TAFA2: variants seen among roughly 807,000 people sequenced by gnomAD.
The protein encoded by TAFA2 is TAFA chemokine like family member 2, also known as chemokine-like protein TAFA-2.
TAFA2 carries 7 observed loss-of-function variants against 18.8 expected under a neutral mutation model. The observed-to-expected ratio is 0.37, with a 90% CI of 0.21 to 0.70. The LOEUF (loss-of-function observed/expected upper bound fraction) is 0.70, where lower values mean the gene tolerates loss of function less well. Among genes scored for constraint, TAFA2 ranks in the 30% least tolerant of loss-of-function variants. The pLI is 0.53. For synonymous variants in TAFA2, 60 were observed against 54.2 expected, an observed-to-expected ratio of 1.11 and a Z score of -0.47; for missense variants, 122 against 158.1, an observed-to-expected ratio of 0.77 and a Z score of 1.23.
At chr12:62,123,518 G>GA (rs571733335) in intron 1 of TAFA2, among the ~76,000 whole-genome samples, 30 of 150,098 alleles carry the variant, frequency 2.0e-4, no homozygotes, top group African/African-American at 4.4e-4. Flanking sequence ...GGAAAAGTAA[G>GA]AAAAAAAAAG....
At chr12:62,032,649 C>T (rs1426056034) in intron 1 of TAFA2, among the ~76,000 whole-genome samples, 1 of 151,838 alleles carries the variant, frequency 6.6e-6, no homozygotes, top group Admixed American at 6.6e-5. Flanking sequence ...AAACAACCCT[C>T]ATATAAGACT....
chr12:62,219,928 A>G (rs189382836), intron 1 of TAFA2, among the ~76,000 whole-genome samples: 2 of 152,358 alleles, frequency 1.3e-5, no homozygotes, highest in East Asian at 3.9e-4. Context: ...TCAGCAGATC[A>G]AAGAGAATAT....
chr12:61,885,051 T>C (rs1445935051), intron 1 of TAFA2, among the ~76,000 whole-genome samples: 1 of 151,674 alleles, frequency 6.6e-6, no homozygotes, highest in Non-Finnish European at 1.5e-5. Context: ...TACAAACCTC[T>C]TTCAAATGGA....
chr12:62,209,014 G>A (rs1164669561), intron 1 of TAFA2, among the ~76,000 whole-genome samples: 1 of 152,024 alleles, frequency 6.6e-6, no homozygotes, highest in African/African-American at 2.4e-5. Context: ...TAACAAGATC[G>A]CTTTTGGCCT....
intron 1 of TAFA2, among the ~76,000 whole-genome samples, chr12:62,130,404 A>G (rs1264799785): frequency 6.6e-6 from 1 of 151,984 alleles, no homozygotes; most frequent in Non-Finnish European, 1.5e-5. Flanking sequence ...TGAAATACAC[A>G]ATTCAAGGGG....
intron 2 of TAFA2, among the ~76,000 whole-genome samples, chr12:61,828,171 T>A (rs972525827): frequency 6.6e-6 from 1 of 151,946 alleles, no homozygotes; most frequent in African/African-American, 2.4e-5. Context: ...ATTTGATCAA[T>A]CCTTTTTAGT....
At chr12:61,868,844 C>T (rs1485055780) in intron 1 of TAFA2, among the ~76,000 whole-genome samples, 1 of 152,010 alleles carries the variant, frequency 6.6e-6, no homozygotes, top group Non-Finnish European at 1.5e-5. Flanking sequence ...GGGTTTGAGT[C>T]CAAACTTTAA....
rs942637778 is a variant in TAFA2, at chr12:61,784,503, A to G, written c.107-29479T>C. Among the ~76,000 whole-genome samples the G allele has an allele frequency of 3.3e-5, 5 of 151,448 alleles. No homozygotes were observed. In the Admixed American group the frequency reaches 3.3e-4, roughly 10 times the overall value. ...GGTTTCTTCGTTCTCTTTTAATGGT[A>G]CTGATCCACAGTTTGAGAAAGAAAG... On this transcript the variant is annotated intron_variant, in intron 2 of 4. Coordinates refer to ENST00000416284, the MANE Select transcript of TAFA2 (RefSeq NM_178539.5).
At chr12:62,180,801 C>CA (rs1016614401) in intron 1 of TAFA2, among the ~76,000 whole-genome samples, 17 of 133,480 alleles carry the variant, frequency 1.3e-4, no homozygotes, top group African/African-American at 3.8e-4. Context: ...CTGAAGTTAA[C>CA]AAAAAAAAAG....
chr12:61,738,290 AACACAC>A (rs369001355), intron 4 of TAFA2, among the ~76,000 whole-genome samples: 58 of 124,618 alleles, frequency 4.7e-4, no homozygotes, highest in East Asian at 2.4e-3. Context: ...TGAAAATGAA[AACACAC>A]ACACACACAC....
At chr12:62,240,036 AT>A (rs1393380499) in intron 1 of TAFA2, among the ~76,000 whole-genome samples, 1 of 151,528 alleles carries the variant, frequency 6.6e-6, no homozygotes, top group Admixed American at 6.6e-5. Context: ...CTAGTTATAT[AT>A]ATTATATAAC....
chr12:61,931,998 A>G (rs750196876), intron 1 of TAFA2, among the ~76,000 whole-genome samples: 8 of 152,136 alleles, frequency 5.3e-5, no homozygotes, highest in African/African-American at 9.7e-5. Flanking sequence ...TTTGCCTCAT[A>G]CCTTTTTCAC....
chr12:61,820,326 C>G (rs903613020), intron 2 of TAFA2, among the ~76,000 whole-genome samples: 1 of 152,000 alleles, frequency 6.6e-6, no homozygotes, highest in African/African-American at 2.4e-5. Flanking sequence ...AAATCTGTCT[C>G]AACATATCCA....
At chr12:61,882,328 G>A (rs927944755) in intron 1 of TAFA2, among the ~76,000 whole-genome samples, 3 of 152,142 alleles carry the variant, frequency 2.0e-5, no homozygotes, top group East Asian at 1.9e-4. Flanking sequence ...GCACTTTGGC[G>A]TCGGGAGAAA....
chr12:61,774,755 C>T (rs1490334469), intron 2 of TAFA2, among the ~76,000 whole-genome samples: 2 of 151,498 alleles, frequency 1.3e-5, no homozygotes, highest in Non-Finnish European at 3.0e-5. Context: ...GAAATCACCA[C>T]TAAAGATCTT....
intron 1 of TAFA2, among the ~76,000 whole-genome samples, chr12:62,175,931 A>AG (rs1367352382): frequency 2.0e-5 from 3 of 151,886 alleles, no homozygotes; most frequent in Non-Finnish European, 4.4e-5. Flanking sequence ...TTAAAAAAAA[A>AG]GAATTCAACC....
At chr12:61,739,770 C>A (rs1048053814) in intron 4 of TAFA2, among the ~76,000 whole-genome samples, 4 of 152,074 alleles carry the variant, frequency 2.6e-5, no homozygotes, top group African/African-American at 9.7e-5. Context: ...TCTGGCCAGA[C>A]ATTTGCCTTC....
At chr12:61,978,532 G>A (rs193052387) in intron 1 of TAFA2, among the ~76,000 whole-genome samples, 1 of 151,694 alleles carries the variant, frequency 6.6e-6, no homozygotes, top group Non-Finnish European at 1.5e-5. Flanking sequence ...GTACCACGGG[G>A]GATGCAGAAG....
At chr12:62,033,295 C>A (rs1008781805) in intron 1 of TAFA2, among the ~76,000 whole-genome samples, 2 of 152,102 alleles carry the variant, frequency 1.3e-5, no homozygotes, top group African/African-American at 2.4e-5. Context: ...GGTCAAATGT[C>A]CATGAACTAA....
Sources: allele counts gnomAD v4.1 joint callset (sites outside exome capture counted in the v4.1 genomes callset), GRCh38; gene constraint gnomAD v4.1.1; transcripts MANE v1.5; gene names NCBI Gene and HGNC (gene_info 2026-07-23, HGNC 2026-07-21).